Variants in PPM1L observed in about 807,000 individuals in gnomAD.
The protein encoded by PPM1L is protein phosphatase, Mg2+/Mn2+ dependent 1L, also known as protein phosphatase 1L.
Under a neutral mutation model 31.4 loss-of-function variants are expected in PPM1L, and 13 were observed. The ratio of observed to expected loss-of-function variants is 0.41; its 90% CI spans 0.27 to 0.66. The LOEUF (loss-of-function observed/expected upper bound fraction) is 0.66. Ranked by LOEUF, PPM1L falls within the 30% of genes least tolerant of loss-of-function variation. The pLI is 0.29. For missense variants in PPM1L, 326 were observed against 453.7 expected, an observed-to-expected ratio of 0.72 and a Z score of 2.56; for synonymous variants, 184 against 175.4, an observed-to-expected ratio of 1.05 and a Z score of -0.39.
intron 2 of PPM1L, among the ~76,000 whole-genome samples, chr3:161,061,749 A>G (rs1286168248): frequency 6.6e-6 from 1 of 152,150 alleles, no homozygotes; most frequent in African/African-American, 2.4e-5. Flanking sequence ...GGATTTTGCT[A>G]TCTATAGGGG....
rs147379785 is a variant in PPM1L at position 160,903,104 on chromosome 3, A to G, written c.400-58632A>G. 6.8e-4 allele frequency among the ~76,000 whole-genome samples: 103 copies of G among 150,942 alleles called. 1 individual carries two copies. Among genetic ancestry groups the G allele is most frequent in the Middle Eastern group, 3.4e-3 (1 of 290 alleles). On this transcript the variant is annotated intron_variant, in intron 1 of 3. Transcript: ENST00000498165. ...AGACAGTGATACGAAATCATTGCCC[A>G]AGGTTAGGTGTGGAATAGTAGCTGT...
At chr3:160,813,205 C>T (rs890459548) in intron 1 of PPM1L, among the ~76,000 whole-genome samples, 1 of 151,774 alleles carries the variant, frequency 6.6e-6, no homozygotes, top group Non-Finnish European at 1.5e-5. Context: ...ATTTTACATC[C>T]CCCAAATTAT....
chr3:161,064,680 G>A (rs1315337286), intron 2 of PPM1L, among the ~76,000 whole-genome samples: 3 of 152,146 alleles, frequency 2.0e-5, no homozygotes, highest in South Asian at 2.1e-4. Flanking sequence ...CCATTCCCAT[G>A]TCAAAAAGGA....
chr3:161,037,967 C>T (rs1166463116), intron 2 of PPM1L, among the ~76,000 whole-genome samples: 1 of 152,022 alleles, frequency 6.6e-6, no homozygotes, highest in Non-Finnish European at 1.5e-5. Context: ...GGCGCGGTGG[C>T]TCACGCCTGT....
chr3:160,936,042 G>C (rs759448002), intron 1 of PPM1L, among the ~76,000 whole-genome samples: 1 of 152,138 alleles, frequency 6.6e-6, no homozygotes, highest in Non-Finnish European at 1.5e-5. Flanking sequence ...CGTTGTTCTA[G>C]ATGTTTTATC....
intron 2 of PPM1L, among the ~76,000 whole-genome samples, chr3:161,031,765 G>C (rs1718573046): frequency 6.6e-6 from 1 of 151,986 alleles, no homozygotes; most frequent in Non-Finnish European, 1.5e-5. Context: ...GCCTCCCAAC[G>C]TGCTGGGATT....
chr3:160,814,608 TATATATACACACAC>T (rs1712925610), intron 1 of PPM1L, among the ~76,000 whole-genome samples: 1 of 149,196 alleles, frequency 6.7e-6, no homozygotes. Flanking sequence ...TGTATGTGTA[TATATATACACACAC>T]ATATGTATGT....
intron 1 of PPM1L, among the ~76,000 whole-genome samples, chr3:160,911,227 G>A (rs1440835107): frequency 1.3e-5 from 2 of 152,180 alleles, no homozygotes; most frequent in African/African-American, 4.8e-5. Flanking sequence ...TCTGAATAAA[G>A]GTGAATGTTC....
At chr3:161,035,100 G>A (rs1718707227) in intron 2 of PPM1L, among the ~76,000 whole-genome samples, 1 of 149,534 alleles carries the variant, frequency 6.7e-6, no homozygotes, top group Admixed American at 6.7e-5. Flanking sequence ...GGGGGGCAAG[G>A]GGAAGGATAG....
At position 160,834,465 on chromosome 3, in the gene PPM1L, ATGTGTATGTG is replaced by A. The variant is rs1282779763; in HGVS notation, c.399+77764_399+77773del. 6.2e-3 allele frequency among the ~76,000 whole-genome samples: 720 copies of A among 115,496 alleles called. 10 individuals carry two copies. The highest frequency in any genetic ancestry group is 0.026 in the African/African-American group (678 of 26,342). 75.8% of individuals were successfully genotyped at this position (115,496 alleles called of 152,430 possible). On this transcript the variant is annotated intron_variant, in intron 1 of 3. Coordinates refer to ENST00000498165, the MANE Select transcript of PPM1L (RefSeq NM_139245.4). The stretch of plus-strand genomic sequence containing the variant: ...TACCAGTTTTTACATGCATTTGTGT[ATGTGTATGTG>A]TGTGTGTGTGTGTGTGTGTGTGTGT...
At chr3:161,051,049 CCT>C (rs1454664686) in intron 2 of PPM1L, among the ~76,000 whole-genome samples, 2 of 152,110 alleles carry the variant, frequency 1.3e-5, no homozygotes, top group East Asian at 1.9e-4. Context: ...TATGTGAATT[CCT>C]CTCTGTTGCA....
At chr3:160,782,925 G>A (rs925595228) in intron 1 of PPM1L, among the ~76,000 whole-genome samples, 1 of 152,092 alleles carries the variant, frequency 6.6e-6, no homozygotes, top group African/African-American at 2.4e-5. Context: ...TTTTAATACT[G>A]TTTGAAATTG....
At chr3:160,914,389 T>C (rs914249900) in intron 1 of PPM1L, among the ~76,000 whole-genome samples, 1 of 151,210 alleles carries the variant, frequency 6.6e-6, no homozygotes, top group Non-Finnish European at 1.5e-5. Context: ...GCTGCACCCA[T>C]TAACTCCTCA....
At chr3:160,948,895 A>G (rs2108096083) in intron 1 of PPM1L, among the ~76,000 whole-genome samples, 1 of 152,306 alleles carries the variant, frequency 6.6e-6, no homozygotes, top group East Asian at 1.9e-4. Context: ...TTGTAAAAAT[A>G]CACATGTCTA....
chr3:160,780,982 A>G (rs1442510066), intron 1 of PPM1L, among the ~76,000 whole-genome samples: 1 of 152,150 alleles, frequency 6.6e-6, no homozygotes, highest in Non-Finnish European at 1.5e-5. Context: ...TTGATGTTTT[A>G]TTTTAGTGAA....
intron 1 of PPM1L, among the ~76,000 whole-genome samples, chr3:160,894,037 G>T (rs957051670): frequency 6.6e-6 from 1 of 152,158 alleles, no homozygotes; most frequent in Non-Finnish European, 1.5e-5. Flanking sequence ...GGCTAGGCTA[G>T]ACTATGTTGT....
rs534076763 is a variant in PPM1L at position 161,013,084 on chromosome 3, C to G, written c.574+51174C>G. On this transcript the variant is annotated intron_variant, in intron 2 of 3. Coordinates refer to ENST00000498165, the MANE Select transcript of PPM1L (RefSeq NM_139245.4). ...CTGCTAGCTTTTGAATGTGTTTGCT[C>G]TTGCTTCTCTAGTTCTTTTAATTGT... Among the ~76,000 whole-genome samples the G allele has an allele frequency of 3.8e-4, 58 of 152,220 alleles. 1 individual carries two copies. In the South Asian group the frequency reaches 0.01, roughly 27 times the overall value.
rs1379462794 is a variant in PPM1L at position 160,970,443 on chromosome 3, GA to G, written c.574+8535del. On this transcript the variant is annotated intron_variant, in intron 2 of 3. Coordinates refer to ENST00000498165, the MANE Select transcript of PPM1L (RefSeq NM_139245.4). ...ATTTATCAATCTTTTTAACCAAGCT[GA>G]ATATTTTTTTTTTTTTTTTTTTTGA... is the stretch of plus-strand genomic sequence containing the variant. Among the ~76,000 whole-genome samples, 195 of 115,980 alleles carry G rather than the reference GA, an allele frequency of 1.7e-3. 1 individual carries two copies. The highest frequency in any genetic ancestry group is 9.8e-3 in the South Asian group (37 of 3,772). 76.1% of individuals were successfully genotyped at this position (115,980 alleles called of 152,430 possible).
At chr3:161,032,249 C>T (rs771680741) in intron 2 of PPM1L, among the ~76,000 whole-genome samples, 7 of 152,158 alleles carry the variant, frequency 4.6e-5, no homozygotes, top group African/African-American at 7.2e-5. Context: ...TTTCAAAGAG[C>T]GATCCTACCC....
Sources: allele counts gnomAD v4.1 joint callset (sites outside exome capture counted in the v4.1 genomes callset), GRCh38; gene constraint gnomAD v4.1.1; transcripts MANE v1.5; gene names NCBI Gene and HGNC (gene_info 2026-07-23, HGNC 2026-07-21).